TM4SF19: variants seen among roughly 807,000 people sequenced by gnomAD.
TM4SF19 encodes the protein transmembrane 4 L six family member 19, also known as transmembrane 4 L6 family member 19.
In TM4SF19, 17 loss-of-function variants were observed where a neutral mutation model predicts 21.8. The ratio of observed to expected loss-of-function variants is 0.78; its 90% CI spans 0.53 to 1.17. TM4SF19 has a LOEUF of 1.17. TM4SF19 is among the 50% of genes most tolerant of loss of function. The pLI is 0.00. For missense variants in TM4SF19, 216 were observed against 252.1 expected, an observed-to-expected ratio of 0.86 and a Z score of 0.97; for synonymous variants, 107 against 106.7, an observed-to-expected ratio of 1.00 and a Z score of -0.02.
intron 1 of TM4SF19, among the ~76,000 whole-genome samples, chr3:196,335,262 G>A (rs1727694971): frequency 2.3e-5 from 1 of 44,090 alleles, no homozygotes; most frequent in African/African-American, 1.1e-4. Flanking sequence ...CGGGGAGGGT[G>A]GAGGTAGCAG....
At chr3:196,326,138 C>G (rs1727278033) in intron 3 of TM4SF19, among the ~76,000 whole-genome samples, 1 of 152,118 alleles carries the variant, frequency 6.6e-6, no homozygotes, top group African/African-American at 2.4e-5. Context: ...CCACGCCCAG[C>G]TAATTTTTGT....
At position 196,337,663 on chromosome 3, in the gene TM4SF19, C is replaced by T. The variant is rs562260034; in HGVS notation, c.-2+601G>A. Among the ~76,000 whole-genome samples, 7 of 152,312 alleles carry T rather than the reference C, an allele frequency of 4.6e-5. No homozygotes were observed. In the South Asian group the frequency reaches 1.5e-3, roughly 32 times the overall value. ...AAACACACTGCGCATGCGGCCCCTC[C>T]CAAGTGCCTGTGCGGCAGGCAGGCG... is the stretch of plus-strand genomic sequence containing the variant. On this transcript the variant is annotated intron_variant, in intron 1 of 4. Transcript: ENST00000273695.
intron 1 of TM4SF19, among the ~76,000 whole-genome samples, chr3:196,336,700 G>A (rs1727775161): frequency 6.6e-6 from 1 of 152,238 alleles, no homozygotes; most frequent in African/African-American, 2.4e-5. Context: ...GATATCTGAA[G>A]AGACAAGCAA....
intron 1 of TM4SF19, among the ~76,000 whole-genome samples, chr3:196,327,810 C>T (rs2108807325): frequency 6.6e-6 from 1 of 152,320 alleles, no homozygotes; most frequent in South Asian, 2.1e-4. Flanking sequence ...AACCCCTGTT[C>T]ACACATACAT....
chr3:196,328,849 T>C (rs1161337539), intron 1 of TM4SF19, among the ~76,000 whole-genome samples: 1 of 152,114 alleles, frequency 6.6e-6, no homozygotes, highest in East Asian at 1.9e-4. Context: ...CTTACAAAGC[T>C]ACAGTAATTG....
At chr3:196,337,048 A>ATT (rs1560207656) in intron 1 of TM4SF19, among the ~76,000 whole-genome samples, 2 of 128,678 alleles carry the variant, frequency 1.6e-5, no homozygotes, top group Non-Finnish European at 3.3e-5. Context: ...GCAAAAAGCA[A>ATT]TTCTTTTTTT....
intron 1 of TM4SF19, among the ~76,000 whole-genome samples, chr3:196,334,499 G>A (rs1256363805): frequency 1.3e-5 from 2 of 151,650 alleles, no homozygotes; most frequent in African/African-American, 4.8e-5. Flanking sequence ...TGTCGCTCAG[G>A]CTGGAGTGCA....
Position 196,327,583 on chromosome 3 carries a change from G to A in TM4SF19, c.8C>T (p.Ser3Phe). 16 of 1,612,516 alleles carry A rather than the reference G, an allele frequency of 9.9e-6. No homozygotes were observed. The highest frequency in any genetic ancestry group is 1.4e-5 in the Non-Finnish European group (16 of 1,179,478). The change falls in exon 2 of 5, where the codon TCC (serine) becomes TTC (phenylalanine). Residue 3 changes from serine (S) to phenylalanine (F), a missense_variant. Physicochemically the swap from Ser to Phe is radical, Grantham distance 155 (BLOSUM62 -2). Transcript: ENST00000273695. ...TGAGCTTGCCTGCGTGCAGGGAGAG[G>A]ACACCATCCTGGAACAGATAGAAAG... MV[S>F]SPCTQASSRT...
intron 1 of TM4SF19, among the ~76,000 whole-genome samples, chr3:196,330,427 A>C (rs983973646): frequency 1.3e-5 from 2 of 152,236 alleles, no homozygotes; most frequent in Non-Finnish European, 2.9e-5. Context: ...TTACCACAAT[A>C]AAAAATCAAT....
chr3:196,337,292 C>G (rs67947474), intron 1 of TM4SF19, among the ~76,000 whole-genome samples: 61,368 of 151,740 alleles, frequency 0.4, 13,596 homozygotes, highest in East Asian at 0.83. Context: ...TAATTCTAAT[C>G]AAGTGTGGTA....
chr3:196,331,011 C>A (rs1232776640), intron 1 of TM4SF19, among the ~76,000 whole-genome samples: 1 of 152,086 alleles, frequency 6.6e-6, no homozygotes, highest in Admixed American at 6.6e-5. Context: ...CGGTGACTTA[C>A]ACCTGTAATC....
At chr3:196,334,706 G>A (rs1330704609) in intron 1 of TM4SF19, among the ~76,000 whole-genome samples, 3 of 151,882 alleles carry the variant, frequency 2.0e-5, no homozygotes, top group Admixed American at 6.6e-5. Flanking sequence ...CTCCTGCCTC[G>A]GTTTCCCAAA....
chr3:196,327,622 C>T, intron 1 of TM4SF19, 31 bp from the exon 2 acceptor site: 1 of 1,588,138 alleles, frequency 6.3e-7, no homozygotes. Context: ...GTCGCAGCAG[C>T]TCTGCTGTGG....
chr3:196,327,100 C>CA, intron 2 of TM4SF19, 68 bp from the exon 3 acceptor site: 4 of 1,339,052 alleles, frequency 3.0e-6, no homozygotes, highest in Non-Finnish European at 4.3e-6. Flanking sequence ...GTGCTGCCCA[C>CA]AGCTGTTAGA....
intron 3 of TM4SF19, 71 bp downstream of exon 3, chr3:196,326,884 T>C (rs1727311039): frequency 7.1e-7 from 1 of 1,415,258 alleles, no homozygotes. Flanking sequence ...ATTGCCTCTT[T>C]ACCGCCCTGC....
chr3:196,331,190 C>T (rs1440075758), intron 1 of TM4SF19, among the ~76,000 whole-genome samples: 1 of 151,802 alleles, frequency 6.6e-6, no homozygotes, highest in Non-Finnish European at 1.5e-5. Flanking sequence ...GCAGCAGAAT[C>T]GCTTGAGCCC....
At chr3:196,334,820 G>A (rs958031575) in intron 1 of TM4SF19, among the ~76,000 whole-genome samples, 1 of 112,448 alleles carries the variant, frequency 8.9e-6, no homozygotes, top group Admixed American at 8.9e-5. Flanking sequence ...TAGGAGAGAG[G>A]AAGGGTGCCC....
Position 196,325,814 on chromosome 3 carries a change from G to C in TM4SF19, c.279+1141C>G, listed in dbSNP as rs1727262641. Among the ~76,000 whole-genome samples the C allele has an allele frequency of 6.6e-6, 1 of 152,196 alleles. No homozygotes were observed. The highest frequency in any genetic ancestry group is 1.5e-5 in the Non-Finnish European group (1 of 68,042). On this transcript the variant is annotated intron_variant, in intron 3 of 4. Coordinates refer to ENST00000273695, the MANE Select transcript of TM4SF19 (RefSeq NM_138461.4). The surrounding 1 kb of genome is among the most constrained non-coding windows in gnomAD (Gnocchi z 4.3). ...AAAACTTCCCCGCCATCCTGAATCA[G>C]AAACTCTGGGGAGGGAGCCCAGCAA...
chr3:196,324,029 G>A (rs760345862), intron 4 of TM4SF19, 32 bp from the exon 5 acceptor site: 11 of 1,609,254 alleles, frequency 6.8e-6, no homozygotes, highest in South Asian at 1.1e-5. Flanking sequence ...CCAGGGGTCA[G>A]GCGATAAGTA....
Sources: gnomAD v4.1 joint callset for allele counts (sites outside exome capture counted in the v4.1 genomes callset) on GRCh38, gnomAD v4.1.1 for gene constraint, Gnocchi (gnomAD v3.1) non-coding constraint, MANE v1.5 for transcripts, NCBI Gene and HGNC (gene_info 2026-07-23, HGNC 2026-07-21) for gene names.